Variants in ACKR2 observed in about 807,000 individuals in gnomAD.
The protein encoded by ACKR2 is atypical chemokine receptor 2, also known as C-C chemokine receptor D6.
For missense variants in ACKR2, 457 were observed against 477.3 expected, an observed-to-expected ratio of 0.96 and a Z score of 0.40; for synonymous variants, 207 against 192.2, an observed-to-expected ratio of 1.08 and a Z score of -0.64.
intron 2 of ACKR2, among the ~76,000 whole-genome samples, chr3:42,854,676 A>G (rs912563369): frequency 1.3e-5 from 2 of 152,152 alleles, no homozygotes; most frequent in East Asian, 3.9e-4. Flanking sequence ...TGAGAAAATT[A>G]CATGTTAGTG....
At position 42,865,142 on chromosome 3, in the gene ACKR2, C is replaced by T; in HGVS notation, c.640C>T (p.Gln214Ter). The T allele has an allele frequency of 6.2e-7, 1 of 1,613,876 alleles. No individual in the cohort carries two copies. Among genetic ancestry groups the T allele is most frequent in the East Asian group, 2.2e-5 (1 of 44,870 alleles). Residue 214 changes from glutamine to a stop codon, truncating the protein, a stop_gained, in exon 3 of 3, where the codon CAG becomes TAG. Coordinates refer to ENST00000422265, the MANE Select transcript of ACKR2 (RefSeq NM_001296.5). LOFTEE classifies it low-confidence loss of function (END_TRUNC). ...TIWKLFLRFQ[Q>*]NLLGFLLPLL... ...TTGGAAGCTCTTCCTCCGCTTCCAG[C>T]AGAACCTCCTAGGGTTTCTCCTTCC...
intron 2 of ACKR2, among the ~76,000 whole-genome samples, chr3:42,858,447 A>G (rs1002615863): frequency 2.0e-5 from 3 of 152,190 alleles, no homozygotes; most frequent in Non-Finnish European, 2.9e-5. Context: ...TGTTAGAAGG[A>G]AAACTAACAA....
intron 2 of ACKR2, among the ~76,000 whole-genome samples, chr3:42,822,495 T>G (rs1456177289): frequency 6.6e-6 from 1 of 152,170 alleles, no homozygotes; most frequent in Non-Finnish European, 1.5e-5. Flanking sequence ...CTTTGTATTC[T>G]GTGTAGCCTC....
intron 1 of ACKR2, among the ~76,000 whole-genome samples, chr3:42,813,673 G>A (rs1182778771): frequency 1.3e-5 from 2 of 152,186 alleles, no homozygotes; most frequent in Non-Finnish European, 2.9e-5. Flanking sequence ...CTTGAGATTT[G>A]GGTGGGGACA....
At chr3:42,862,686 A>G (rs1224917938) in intron 2 of ACKR2, among the ~76,000 whole-genome samples, 1 of 152,206 alleles carries the variant, frequency 6.6e-6, no homozygotes, top group Non-Finnish European at 1.5e-5. Context: ...AACAGAACAG[A>G]GGCCTCAGAA....
chr3:42,822,760 G>A (rs893193645), intron 2 of ACKR2, among the ~76,000 whole-genome samples: 1 of 143,290 alleles, frequency 7.0e-6, no homozygotes, highest in African/African-American at 2.6e-5. Context: ...GGGAGGTGGA[G>A]GCAGGATTGC....
At chr3:42,813,624 T>C (rs9864269) in intron 1 of ACKR2, among the ~76,000 whole-genome samples, 1,699 of 152,294 alleles carry the variant, frequency 0.011, 34 homozygotes, top group African/African-American at 0.039. Flanking sequence ...AATCACCTCC[T>C]ACCAGGCCCC....
chr3:42,829,596 C>T (rs191759905), intron 2 of ACKR2, among the ~76,000 whole-genome samples: 18 of 152,248 alleles, frequency 1.2e-4, no homozygotes, highest in African/African-American at 3.9e-4. Flanking sequence ...ATCACTTTTC[C>T]GATAGGGCCG....
chr3:42,823,610 G>A (rs1700831828), intron 2 of ACKR2, among the ~76,000 whole-genome samples: 1 of 152,182 alleles, frequency 6.6e-6, no homozygotes, highest in South Asian at 2.1e-4. Context: ...TCTCTGCACT[G>A]TGTGCTCTTC....
At chr3:42,824,916 A>G (rs1405955665) in intron 2 of ACKR2, among the ~76,000 whole-genome samples, 2 of 152,192 alleles carry the variant, frequency 1.3e-5, no homozygotes, top group Admixed American at 6.5e-5. Context: ...TGGCTGTGCC[A>G]TTTTACATTC....
intron 2 of ACKR2, among the ~76,000 whole-genome samples, chr3:42,863,350 T>G (rs994122361): frequency 1.3e-5 from 2 of 152,096 alleles, no homozygotes; most frequent in Non-Finnish European, 2.9e-5. Flanking sequence ...CATTAAAAAG[T>G]CAGGATAAAA....
intron 2 of ACKR2, among the ~76,000 whole-genome samples, chr3:42,842,788 G>A (rs9841211): frequency 0.015 from 2,349 of 152,034 alleles, 61 homozygotes; most frequent in African/African-American, 0.053. Context: ...TTTGAGACCA[G>A]CTTGGCCAAC....
At chr3:42,829,589 A>G (rs1311943178) in intron 2 of ACKR2, among the ~76,000 whole-genome samples, 1 of 152,022 alleles carries the variant, frequency 6.6e-6, no homozygotes. Flanking sequence ...TCATCCTATC[A>G]CTTTTCCGAT....
At chr3:42,817,784 C>T (rs188281936) in intron 1 of ACKR2, among the ~76,000 whole-genome samples, 4 of 152,292 alleles carry the variant, frequency 2.6e-5, no homozygotes, top group Non-Finnish European at 5.9e-5. Context: ...TAGTAAAGGA[C>T]ATAATTCAAT....
rs749184218 is a variant in ACKR2 at position 42,820,592 on chromosome 3, CAAAAAAA to C, written c.-38+893_-38+899del. ...TGGGCAACAGAGCAAGACTCTGTCT[CAAAAAAA>C]AAAAAAAAAAAGAAATATAATCTGC... On this transcript the variant is annotated intron_variant, in intron 2 of 2. Coordinates refer to ENST00000422265, the MANE Select transcript of ACKR2 (RefSeq NM_001296.5). Among the ~76,000 whole-genome samples, 111 of 69,812 alleles carry C rather than the reference CAAAAAAA, an allele frequency of 1.6e-3. 1 individual carries two copies. Among genetic ancestry groups the C allele is most frequent in the African/African-American group, 5.5e-3 (105 of 18,996 alleles). The allele number at this position is 69,812 out of a possible 152,430, so 45.8% of individuals were successfully genotyped here.
chr3:42,849,182 C>T (rs970880741), intron 2 of ACKR2, among the ~76,000 whole-genome samples: 2 of 152,094 alleles, frequency 1.3e-5, no homozygotes, highest in Non-Finnish European at 2.9e-5. Context: ...TTAGTCAGTA[C>T]TGTGATTATG....
chr3:42,846,935 C>G (rs77956781), intron 2 of ACKR2, among the ~76,000 whole-genome samples: 2,359 of 152,266 alleles, frequency 0.015, 62 homozygotes, highest in African/African-American at 0.053. Context: ...AATAATTACA[C>G]AGAATATTCA....
At position 42,851,401 on chromosome 3, in the gene ACKR2, C is replaced by T. The variant is rs1036279636; in HGVS notation, c.-37-13065C>T. On this transcript the variant is annotated intron_variant, in intron 2 of 2. Coordinates refer to ENST00000422265, the MANE Select transcript of ACKR2 (RefSeq NM_001296.5). Reference sequence around the variant, plus strand: ...CTGAGGAAGAGGCACCTGGCGCTGCCGCTCTCCTCCCAGGCTTGTGGTGGA... The same window carrying T: ...CTGAGGAAGAGGCACCTGGCGCTGCTGCTCTCCTCCCAGGCTTGTGGTGGA... 12 of 985,368 alleles carry T rather than the reference C, an allele frequency of 1.2e-5. No homozygotes were observed. The Admixed American group carries it at 2.5e-4, about 20-fold the overall frequency. The allele number at this position is 985,368 out of a possible 1,614,324, so 61.0% of individuals were successfully genotyped here.
At chr3:42,855,634 G>C (rs2125621698) in intron 2 of ACKR2, among the ~76,000 whole-genome samples, 1 of 152,314 alleles carries the variant, frequency 6.6e-6, no homozygotes, top group Admixed American at 6.5e-5. Context: ...TTCCCAGAGT[G>C]AGAGATCAGG....
Sources: gnomAD v4.1 joint callset for allele counts (sites outside exome capture counted in the v4.1 genomes callset) on GRCh38, gnomAD v4.1.1 for gene constraint, MANE v1.5 for transcripts, NCBI Gene and HGNC (gene_info 2026-07-23, HGNC 2026-07-21) for gene names.